Variants in NKAIN3 observed in about 807,000 individuals in gnomAD.
NKAIN3 encodes sodium/potassium transporting ATPase interacting 3, also known as sodium/potassium-transporting ATPase subunit beta-1-interacting protein 3.
Under a neutral mutation model 30.2 loss-of-function variants are expected in NKAIN3, and 25 were observed. That is an observed-to-expected ratio of 0.83 (90% CI 0.60 to 1.16). The LOEUF is 1.16. NKAIN3 is among the 50% of genes most tolerant of loss of function. NKAIN3 has a pLI of 0.00. For missense variants in NKAIN3, 225 were observed against 254.1 expected (o/e 0.89, Z 0.78); for synonymous variants, 91 against 89.6 (o/e 1.02, Z -0.09).
intron 4 of NKAIN3, among the ~76,000 whole-genome samples, chr8:62,796,514 G>T (rs924713735): frequency 6.6e-6 from 1 of 150,692 alleles, no homozygotes; most frequent in South Asian, 2.1e-4. Context: ...CATGATGCTC[G>T]ACATTCATCT....
intron 6 of NKAIN3, among the ~76,000 whole-genome samples, chr8:62,957,404 G>A (rs965441941): frequency 6.6e-6 from 1 of 152,198 alleles, no homozygotes; most frequent in African/African-American, 2.4e-5. Flanking sequence ...AAAGTGTTGG[G>A]ATTACAGGCG....
intron 3 of NKAIN3, among the ~76,000 whole-genome samples, chr8:62,607,792 A>G (rs1000731505): frequency 1.4e-4 from 22 of 152,144 alleles, no homozygotes; most frequent in African/African-American, 5.3e-4. Context: ...TTGAAAGAAT[A>G]TTTATAAAAT....
At chr8:62,314,187 G>A (rs1814539882) in intron 1 of NKAIN3, among the ~76,000 whole-genome samples, 1 of 152,132 alleles carries the variant, frequency 6.6e-6, no homozygotes, top group East Asian at 1.9e-4. Flanking sequence ...TGAATTAAAT[G>A]TATAACATGG....
At chr8:62,624,877 G>C (rs978466351) in intron 3 of NKAIN3, among the ~76,000 whole-genome samples, 11 of 150,334 alleles carry the variant, frequency 7.3e-5, no homozygotes, top group African/African-American at 2.7e-4. Context: ...TTTCTCATCA[G>C]TATCCAGTCT....
In NKAIN3 at chr8:62,270,968, T is replaced by A. The variant is rs192678996; in HGVS notation, c.54+21841T>A. 1.7e-3 allele frequency among the ~76,000 whole-genome samples: 266 copies of A among 152,300 alleles called. 1 individual carries two copies. The highest frequency in any genetic ancestry group is 6.0e-3 in the African/African-American group (248 of 41,566). ...TGAAAACTTATGAAAATATTAAAAA[T>A]TGGTACTAAAAACATAACTGATATT... On this transcript the variant is annotated intron_variant, in intron 1 of 6. Coordinates refer to ENST00000623646, the MANE Select transcript of NKAIN3 (RefSeq NM_001304533.3).
intron 3 of NKAIN3, among the ~76,000 whole-genome samples, chr8:62,691,429 C>A (rs1036928815): frequency 7.9e-5 from 12 of 152,040 alleles, no homozygotes; most frequent in African/African-American, 2.7e-4. Context: ...TGGCTGCCAT[C>A]TGGGTGGACT....
intron 4 of NKAIN3, among the ~76,000 whole-genome samples, chr8:62,837,120 A>G (rs548628419): frequency 6.6e-6 from 1 of 152,186 alleles, no homozygotes; most frequent in Non-Finnish European, 1.5e-5. Flanking sequence ...CAGTGTTAGA[A>G]CCTTGTAAAT....
At chr8:62,318,769 A>T (rs1193542153) in intron 1 of NKAIN3, among the ~76,000 whole-genome samples, 3 of 152,162 alleles carry the variant, frequency 2.0e-5, no homozygotes, top group African/African-American at 7.2e-5. Flanking sequence ...ATCGATATTC[A>T]TCAGGGATGT....
chr8:62,546,369 T>A (rs989285907), intron 1 of NKAIN3, among the ~76,000 whole-genome samples: 2 of 152,172 alleles, frequency 1.3e-5, no homozygotes, highest in Non-Finnish European at 2.9e-5. Context: ...CAGAAGCCAG[T>A]TTCAGAGTTG....
intron 3 of NKAIN3, among the ~76,000 whole-genome samples, chr8:62,688,083 A>G (rs1013055145): frequency 2.0e-5 from 3 of 152,236 alleles, no homozygotes; most frequent in African/African-American, 7.2e-5. Context: ...CTTCTCTGTT[A>G]TATGTTCCTG....
chr8:62,530,161 A>G lies in NKAIN3; in HGVS notation c.55-49378A>G, dbSNP rs555507156. On this transcript the variant is annotated intron_variant, in intron 1 of 6. Transcript: ENST00000623646. ...GTCAACTAAGGAGGGGGATGATTAG[A>G]TTCCTGGAAGAGAGTCCAGGACACA... Among the ~76,000 whole-genome samples, 45 of 152,322 alleles carry G rather than the reference A, an allele frequency of 3.0e-4. No homozygotes were observed. The South Asian group carries it at 3.5e-3, about 12-fold the overall frequency.
At chr8:62,695,684 G>T (rs1389802025) in intron 3 of NKAIN3, among the ~76,000 whole-genome samples, 1 of 152,182 alleles carries the variant, frequency 6.6e-6, no homozygotes, top group East Asian at 1.9e-4. Context: ...AATAAACATG[G>T]ATTCTATGCT....
intron 1 of NKAIN3, among the ~76,000 whole-genome samples, chr8:62,566,712 C>CT (rs934706313): frequency 3.3e-5 from 5 of 151,924 alleles, no homozygotes; most frequent in Non-Finnish European, 4.4e-5. Context: ...CCAGCTCCAA[C>CT]TTTTTTTTCA....
At chr8:62,814,212 TA>T (rs1460494579) in intron 4 of NKAIN3, among the ~76,000 whole-genome samples, 4 of 152,056 alleles carry the variant, frequency 2.6e-5, no homozygotes, top group Admixed American at 6.6e-5. Flanking sequence ...TTTCTGCTAT[TA>T]TCTTGCTATA....
At chr8:62,529,809 G>C (rs930532230) in intron 1 of NKAIN3, among the ~76,000 whole-genome samples, 23 of 152,150 alleles carry the variant, frequency 1.5e-4, no homozygotes, top group African/African-American at 4.3e-4. Flanking sequence ...GGAGAGCCAA[G>C]AAGTTTTTAC....
At chr8:62,549,738 TTAAA>T (rs1388198714) in intron 1 of NKAIN3, among the ~76,000 whole-genome samples, 1 of 151,936 alleles carries the variant, frequency 6.6e-6, no homozygotes, top group Non-Finnish European at 1.5e-5. Context: ...TTTTTCTCTC[TTAAA>T]TAATCTGCCT....
At chr8:62,617,084 T>C (rs1811479407) in intron 3 of NKAIN3, among the ~76,000 whole-genome samples, 1 of 151,514 alleles carries the variant, frequency 6.6e-6, no homozygotes, top group South Asian at 2.1e-4. Context: ...CCTGCTCCAC[T>C]TTTCTTTCTG....
At position 62,819,288 on chromosome 8, in the gene NKAIN3, T is replaced by C. The variant is rs187519116; in HGVS notation, c.471+72159T>C. The stretch of plus-strand genomic sequence containing the variant: ...ATGATGACTGGGACTTGCCATAAAA[T>C]GCTCTAGAAAACAACATTGTGGAAG... On this transcript the variant is annotated intron_variant, in intron 4 of 6. Coordinates refer to ENST00000623646, the MANE Select transcript of NKAIN3 (RefSeq NM_001304533.3). 6.4e-3 allele frequency among the ~76,000 whole-genome samples: 977 copies of C among 151,812 alleles called. 10 individuals are homozygous for C. Among genetic ancestry groups the C allele is most frequent in the African/African-American group, 0.022 (917 of 41,472 alleles).
intron 4 of NKAIN3, among the ~76,000 whole-genome samples, chr8:62,908,596 T>C (rs1821848206): frequency 6.6e-6 from 1 of 152,150 alleles, no homozygotes; most frequent in African/African-American, 2.4e-5. Context: ...CTCATGATAG[T>C]GAATAAGTCT....
Sources: gnomAD v4.1 joint callset for allele counts (sites outside exome capture counted in the v4.1 genomes callset) on GRCh38, gnomAD v4.1.1 for gene constraint, MANE v1.5 for transcripts, NCBI Gene and HGNC (gene_info 2026-07-23, HGNC 2026-07-21) for gene names.